FGFR2: variants seen among roughly 807,000 people sequenced by gnomAD.
The protein encoded by FGFR2 is fibroblast growth factor receptor 2, also known as BEK fibroblast growth factor receptor.
A neutral mutation model predicts 95.9 loss-of-function variants in FGFR2; 19 were observed. That is an observed-to-expected ratio of 0.20 (90% CI 0.14 to 0.29). The LOEUF is 0.29. Ranked by LOEUF, FGFR2 falls within the 10% of genes least tolerant of loss-of-function variation. The pLI is 1.00. For synonymous variants in FGFR2, 392 were observed against 393.3 expected, an observed-to-expected ratio of 1.00 and a Z score of 0.04; for missense variants, 707 against 1,056.9, an observed-to-expected ratio of 0.67 and a Z score of 4.59.
intron 6 of FGFR2, among the ~76,000 whole-genome samples, chr10:121,533,018 A>T (rs575296933): frequency 6.6e-6 from 1 of 152,316 alleles, no homozygotes; most frequent in East Asian, 1.9e-4. Flanking sequence ...TGGGCCCCCA[A>T]ACAACAACTG....
At chr10:121,530,797 A>G (rs1851985667) in intron 6 of FGFR2, among the ~76,000 whole-genome samples, 1 of 152,254 alleles carries the variant, frequency 6.6e-6, no homozygotes. Flanking sequence ...ATTTCAATTC[A>G]GCACACGCTG....
intron 2 of FGFR2, among the ~76,000 whole-genome samples, chr10:121,587,336 A>G (rs2135421156): frequency 6.6e-6 from 1 of 152,354 alleles, no homozygotes; most frequent in East Asian, 1.9e-4. Context: ...ACCATCCTGG[A>G]CATAGGAATG....
In FGFR2 at chr10:121,597,958, T is replaced by C; in HGVS notation, c.-151+4A>G. ...CTCCCCGAGGCGTCTTGCGCGGCGA[T>C]TACCTTGAATGGCAACGCTCCTCCG... On this transcript the variant is annotated splice_donor_region_variant and intron_variant, in intron 1 of 17. Coordinates refer to ENST00000358487, the MANE Select transcript of FGFR2 (RefSeq NM_000141.5). 2.6e-6 allele frequency: 1 copy of C among 391,306 alleles called. No individual in the cohort carries two copies. Among genetic ancestry groups the C allele is most frequent in the Non-Finnish European group, 4.5e-6 (1 of 221,676 alleles). The allele number at this position is 391,306 out of a possible 1,614,324, so 24.2% of individuals were successfully genotyped here.
intron 5 of FGFR2, 128 bp downstream of exon 5, chr10:121,551,162 G>A (rs1290459591): frequency 9.4e-7 from 1 of 1,060,788 alleles, no homozygotes; most frequent in African/African-American, 1.6e-5. Context: ...GGAGGTTGCA[G>A]TGAACCGAGA....
At chr10:121,596,396 G>T in intron 1 of FGFR2, 1 of 197,738 alleles carries the variant, frequency 5.1e-6, no homozygotes, top group Non-Finnish European at 1.0e-5. Flanking sequence ...CTCCAAGAAG[G>T]CAGACCAATA....
At position 121,586,695 on chromosome 10, in the gene FGFR2, G is replaced by A. The variant is rs534416293; in HGVS notation, c.109+7014C>T. ...ACACACACTCTTCAAGGATGGCCATGGCTTGTCCCAATGATTCATACTTGT... is the reference window on the plus strand; with the variant it reads ...ACACACACTCTTCAAGGATGGCCATAGCTTGTCCCAATGATTCATACTTGT... On this transcript the variant is annotated intron_variant, in intron 2 of 17. Transcript: ENST00000358487. Among the ~76,000 whole-genome samples, 6 of 152,340 alleles carry A rather than the reference G, an allele frequency of 3.9e-5. No homozygotes were observed. In the East Asian group the frequency reaches 1.2e-3, roughly 29 times the overall value.
rs200864570 is a variant in FGFR2, at chr10:121,583,772, T to TC, written c.109+9936dup. Among the ~76,000 whole-genome samples, 7 of 135,926 alleles carry TC rather than the reference T, an allele frequency of 5.1e-5. No homozygotes were observed. The East Asian group carries it at 1.1e-3, about 21-fold the overall frequency. 89.2% of individuals were successfully genotyped at this position (135,926 alleles called of 152,430 possible). A position where few individuals can be genotyped will look rare whatever the true frequency, so the allele number is the denominator to read the frequency against. Reference sequence around the variant, plus strand: ...CACATTCTCCAGCAAAAAAAAAAAATCCTCCTGCTCAGGAAGAAGGGAAAT... The same window carrying TC: ...CACATTCTCCAGCAAAAAAAAAAAATCCCTCCTGCTCAGGAAGAAGGGAAAT... On this transcript the variant is annotated intron_variant, in intron 2 of 17. Transcript: ENST00000358487.
intron 9 of FGFR2, among the ~76,000 whole-genome samples, chr10:121,505,319 A>C (rs1848127996): frequency 6.6e-6 from 1 of 152,222 alleles, no homozygotes; most frequent in Non-Finnish European, 1.5e-5. Context: ...TCAGTATTAA[A>C]ATAAAGAAGT....
intron 4 of FGFR2, among the ~76,000 whole-genome samples, chr10:121,557,575 T>C (rs1379233548): frequency 1.3e-5 from 2 of 152,196 alleles, no homozygotes; most frequent in Non-Finnish European, 2.9e-5. Flanking sequence ...CCCAACTAGC[T>C]GGAATTACAG....
At chr10:121,576,476 A>C (rs958443522) in intron 2 of FGFR2, among the ~76,000 whole-genome samples, 1 of 152,010 alleles carries the variant, frequency 6.6e-6, no homozygotes, top group Non-Finnish European at 1.5e-5. Flanking sequence ...TCTGGGGAAA[A>C]CCCTTTCATC....
At chr10:121,524,147 C>CA (rs931793051) in intron 6 of FGFR2, among the ~76,000 whole-genome samples, 2 of 118,000 alleles carry the variant, frequency 1.7e-5, no homozygotes, top group African/African-American at 5.4e-5. Flanking sequence ...CACACACACA[C>CA]CCCAAGTTTG....
At chr10:121,494,018 C>T (rs907474384) in intron 13 of FGFR2, among the ~76,000 whole-genome samples, 5 of 152,012 alleles carry the variant, frequency 3.3e-5, no homozygotes, top group African/African-American at 7.2e-5. Context: ...CAGCTTTTCT[C>T]GGTGTCTTTG....
intron 6 of FGFR2, among the ~76,000 whole-genome samples, chr10:121,536,570 A>T (rs1852855680): frequency 6.6e-6 from 1 of 152,194 alleles, no homozygotes; most frequent in Non-Finnish European, 1.5e-5. Context: ...TAGACAGCAC[A>T]ATTCCATTAT....
chr10:121,524,826 A>C (rs1480912877), intron 6 of FGFR2, among the ~76,000 whole-genome samples: 1 of 152,128 alleles, frequency 6.6e-6, no homozygotes, highest in Non-Finnish European at 1.5e-5. Context: ...TGTTCTCCCC[A>C]CCAGGAACCT....
In FGFR2 at chr10:121,551,476, T is replaced by G. The variant is rs760681402; in HGVS notation, c.455-17A>C. On this transcript the variant is annotated splice_polypyrimidine_tract_variant and intron_variant, in intron 4 of 17. Coordinates refer to ENST00000358487, the MANE Select transcript of FGFR2 (RefSeq NM_000141.5). Reference sequence around the variant, plus strand: ...ATGGTGCTCCTGTTTTGGAAAACAGTATTAGAATGTATACTGATGGACAGC... The same window carrying G: ...ATGGTGCTCCTGTTTTGGAAAACAGGATTAGAATGTATACTGATGGACAGC... 13 of 1,612,778 alleles carry G rather than the reference T, an allele frequency of 8.1e-6. No homozygotes were observed. Among genetic ancestry groups the G allele is most frequent in the African/African-American group, 1.3e-5 (1 of 74,898 alleles).
intron 5 of FGFR2, among the ~76,000 whole-genome samples, chr10:121,539,288 T>C (rs1853340322): frequency 6.6e-6 from 1 of 152,232 alleles, no homozygotes. Context: ...CCTTCCCATC[T>C]CTGGTTGTGG....
At chr10:121,539,550 C>T (rs539817287) in intron 5 of FGFR2, among the ~76,000 whole-genome samples, 4 of 152,280 alleles carry the variant, frequency 2.6e-5, no homozygotes, top group South Asian at 2.1e-4. Context: ...TTCAAACTTG[C>T]GAGAGTTTTC....
In FGFR2 at chr10:121,597,024, G is replaced by A. The variant is rs185498728; in HGVS notation, c.-151+938C>T. On this transcript the variant is annotated intron_variant, in intron 1 of 17. Transcript: ENST00000358487. ...GCGTTTCACACCAAACACATAATGG[G>A]TGCCCTGAGTTTGAAAGCAGGTTTG... 5.3e-4 allele frequency among the ~76,000 whole-genome samples: 81 copies of A among 152,278 alleles called. No homozygotes were observed. The East Asian group carries it at 0.014, about 26-fold the overall frequency.
chr10:121,517,235 T>C lies in FGFR2; in HGVS notation c.1084+84A>G. On this transcript the variant is annotated intron_variant, in intron 8 of 17. Coordinates refer to ENST00000358487, the MANE Select transcript of FGFR2 (RefSeq NM_000141.5). The surrounding 1 kb of genome is among the most constrained non-coding windows in gnomAD (Gnocchi z 4.7). The stretch of plus-strand genomic sequence containing the variant: ...CTTTATGCAAGGATAAAAGGGGCCA[T>C]TTCTGATAACAGAAGCTGTGTTAAT... 1 of 1,452,906 alleles carries C rather than the reference T, an allele frequency of 6.9e-7. No homozygotes were observed. The highest frequency in any genetic ancestry group is 9.7e-7 in the Non-Finnish European group (1 of 1,034,198). The allele number at this position is 1,452,906 out of a possible 1,614,324, so 90.0% of individuals were successfully genotyped here. A position where few individuals can be genotyped will look rare whatever the true frequency, so the allele number is the denominator to read the frequency against.
Sources: allele counts gnomAD v4.1 joint callset (sites outside exome capture counted in the v4.1 genomes callset), GRCh38; gene constraint gnomAD v4.1.1; non-coding constraint Gnocchi (gnomAD v3.1); transcripts MANE v1.5; gene names NCBI Gene and HGNC (gene_info 2026-07-23, HGNC 2026-07-21).